The following PCSK1 variants were observed in gnomAD, a reference collection of about 807,000 sequenced individuals.
PCSK1 encodes neuroendocrine convertase 1.
A neutral mutation model predicts 90.6 loss-of-function variants in PCSK1; 56 were observed. The ratio of observed to expected loss-of-function variants is 0.62; its 90% CI spans 0.50 to 0.77. The LOEUF (loss-of-function observed/expected upper bound fraction) is 0.77, where lower values mean the gene tolerates loss of function less well. PCSK1 is among the 30% of genes least tolerant of loss of function. The pLI, the probability that PCSK1 is intolerant of heterozygous loss-of-function variation, is 0.00. For synonymous variants in PCSK1, 348 were observed against 342.4 expected (o/e 1.02, Z -0.18); for missense variants, 801 against 932.6 (o/e 0.86, Z 1.84).
At chr5:96,425,085 C>A (rs1438732532) in intron 3 of PCSK1, among the ~76,000 whole-genome samples, 1 of 148,910 alleles carries the variant, frequency 6.7e-6, no homozygotes. Context: ...AACGTAGGGT[C>A]AAGAGAAACT....
In PCSK1 at chr5:96,393,371, GGCT is replaced by G; in HGVS notation, c.1889_1891del (p.Gln630del). 6.2e-7 allele frequency: 1 copy of G among 1,613,732 alleles called. No individual in the cohort carries two copies. The highest frequency in any genetic ancestry group is 8.5e-7 in the Non-Finnish European group (1 of 1,179,902). The stretch of plus-strand genomic sequence containing the variant: ...GTTCTCCTTAGGGTTCTCTTGTGTG[GGCT>G]GCTCCTAAAACATAGAATGCCATCC... On this transcript the variant is annotated inframe_deletion, in exon 14 of 14. Transcript: ENST00000311106.
At chr5:96,409,827 A>G (rs181079884) in intron 8 of PCSK1, among the ~76,000 whole-genome samples, 1 of 152,334 alleles carries the variant, frequency 6.6e-6, no homozygotes, top group Non-Finnish European at 1.5e-5. Context: ...AAGCAGGCCC[A>G]CACTTCTAAG....
chr5:96,423,525 A>C, intron 3 of PCSK1, 66 bp from the exon 4 acceptor site: 1 of 1,426,632 alleles, frequency 7.0e-7, no homozygotes, highest in South Asian at 1.2e-5. Context: ...TGGGCACTTC[A>C]GTTCCAACCT....
In PCSK1 at chr5:96,432,997, AGAG is replaced by A; in HGVS notation, c.43_45del (p.Leu15del). 1 of 1,614,254 alleles carries A rather than the reference AGAG, an allele frequency of 6.2e-7. No homozygotes were observed. The highest frequency in any genetic ancestry group is 1.1e-5 in the South Asian group (1 of 91,090). On this transcript the variant is annotated inframe_deletion, in exon 1 of 14. Coordinates refer to ENST00000311106, the MANE Select transcript of PCSK1 (RefSeq NM_000439.5). ...CTGTTCAGTGCACACCAAGCGCAAA[AGAG>A]GACGAAAGCAGTGCACTGCAGACTC...
chr5:96,410,071 G>T (rs753226597), intron 8 of PCSK1, among the ~76,000 whole-genome samples: 3 of 152,010 alleles, frequency 2.0e-5, no homozygotes, highest in Non-Finnish European at 2.9e-5. Flanking sequence ...TTAAATTGGG[G>T]GCCTTACATT....
intron 11 of PCSK1, among the ~76,000 whole-genome samples, chr5:96,398,499 A>G (rs546994748): frequency 3.0e-4 from 45 of 152,210 alleles, no homozygotes; most frequent in Non-Finnish European, 5.7e-4. Flanking sequence ...CCAGTTTTCA[A>G]TGGACTCCTT....
At chr5:96,431,976 C>A in intron 1 of PCSK1, 1 of 751,444 alleles carries the variant, frequency 1.3e-6, no homozygotes, top group South Asian at 1.5e-5. Context: ...AGCAGTCTCC[C>A]ACTTAATGTC....
At chr5:96,430,097 A>G (rs1171829790) in intron 1 of PCSK1, among the ~76,000 whole-genome samples, 2 of 152,242 alleles carry the variant, frequency 1.3e-5, no homozygotes, top group Non-Finnish European at 2.9e-5. Flanking sequence ...ATTAGCCACT[A>G]TTAGTGATCG....
chr5:96,418,567 T>C (rs1761006945), intron 5 of PCSK1, among the ~76,000 whole-genome samples: 1 of 152,176 alleles, frequency 6.6e-6, no homozygotes, highest in Non-Finnish European at 1.5e-5. Context: ...TCTATTAATC[T>C]CATTTACGTG....
intron 12 of PCSK1, among the ~76,000 whole-genome samples, chr5:96,395,990 A>G (rs1760126552): frequency 6.6e-6 from 1 of 152,214 alleles, no homozygotes; most frequent in Non-Finnish European, 1.5e-5. Context: ...CAGACTTGAC[A>G]TGAAATAAAT....
chr5:96,411,596 C>A (rs1760755176), intron 7 of PCSK1, among the ~76,000 whole-genome samples: 1 of 152,146 alleles, frequency 6.6e-6, no homozygotes, highest in Admixed American at 6.5e-5. Flanking sequence ...ATTCAACAGG[C>A]ACGTGCAGAG....
rs779620892 is a variant in PCSK1, at chr5:96,410,818, G to A, written c.1051C>T (p.Leu351=). ...TCTCCGCTGCTGTAAGAGGTGGCCA[G>A]TGTGGAGGAGCACTTCTCAGCGTAC... ...PWYAEKCSST[L]ATSYSSGDYT... Residue 351 remains leucine (L), a synonymous_variant, in exon 8 of 14, where the codon CTG becomes TTG. Transcript: ENST00000311106. 6.2e-7 allele frequency: 1 copy of A among 1,614,148 alleles called. No individual in the cohort carries two copies. The highest frequency in any genetic ancestry group is 8.5e-7 in the Non-Finnish European group (1 of 1,179,986).
In PCSK1 at chr5:96,433,056, G is replaced by GC; in HGVS notation, c.-15dup. On this transcript the variant is annotated 5_prime_UTR_variant, in exon 1 of 14. Transcript: ENST00000311106. ...TCTTCGCTCCATAGCTCACACACTCGCTTGAACAAGAGTGGGAAGGGAAGA... is the reference window on the plus strand; with the variant it reads ...TCTTCGCTCCATAGCTCACACACTCGCCTTGAACAAGAGTGGGAAGGGAAGA... The GC allele has an allele frequency of 6.2e-7, 1 of 1,612,536 alleles. No homozygotes were observed. Among genetic ancestry groups the GC allele is most frequent in the Non-Finnish European group, 8.5e-7 (1 of 1,178,604 alleles).
At chr5:96,420,496 C>T (rs1046056377) in intron 5 of PCSK1, among the ~76,000 whole-genome samples, 1 of 152,156 alleles carries the variant, frequency 6.6e-6, no homozygotes, top group African/African-American at 2.4e-5. Flanking sequence ...CGGTTAACCC[C>T]TTTAGTCACC....
chr5:96,416,790 G>T (rs1295852714), intron 5 of PCSK1, among the ~76,000 whole-genome samples: 1 of 152,126 alleles, frequency 6.6e-6, no homozygotes, highest in African/African-American at 2.4e-5. Flanking sequence ...GAACATGATT[G>T]GTTTTGCAGT....
At chr5:96,413,827 GA>G (rs572648778) in intron 6 of PCSK1, among the ~76,000 whole-genome samples, 2 of 134,138 alleles carry the variant, frequency 1.5e-5, no homozygotes, top group African/African-American at 5.6e-5. Flanking sequence ...AATGCATTTA[GA>G]AAAAAAATCG....
At chr5:96,431,949 G>A (rs1201282744) in intron 1 of PCSK1, 2 of 708,528 alleles carry the variant, frequency 2.8e-6, no homozygotes, top group South Asian at 1.5e-5. Flanking sequence ...GGGTCCCCTC[G>A]GAATCGCTCA....
Position 96,412,478 on chromosome 5 carries a change from A to T in PCSK1, c.722T>A (p.Leu241Gln). 6.2e-7 allele frequency: 1 copy of T among 1,614,046 alleles called. No individual in the cohort carries two copies. The change falls in exon 7 of 14, where the codon CTG becomes CAG. Residue 241 changes from leucine to glutamine, a missense_variant. By Grantham distance (113) the Leu-to-Gln change is moderately radical. Coordinates refer to ENST00000311106, the MANE Select transcript of PCSK1 (RefSeq NM_000439.5). The part of the protein sequence containing the change: ...YNSKVGGIRM[L>Q]DGIVTDAIEA... The stretch of plus-strand genomic sequence containing the variant: ...AATAGCATCCGTCACAATGCCATCC[A>T]GCATTCTTATGCCTGAGAAACAAAA...
intron 1 of PCSK1, 43 bp downstream of exon 1, chr5:96,432,819 TC>T (rs776778881): frequency 6.4e-7 from 1 of 1,562,582 alleles, no homozygotes; most frequent in South Asian, 1.1e-5. Flanking sequence ...GTCCCGCCAG[TC>T]CCCTGGGGCC....
Sources: gnomAD v4.1 joint callset for allele counts (sites outside exome capture counted in the v4.1 genomes callset) on GRCh38, gnomAD v4.1.1 for gene constraint, MANE v1.5 for transcripts, NCBI Gene and HGNC (gene_info 2026-07-23, HGNC 2026-07-21) for gene names.